TMEM200C: variants seen among roughly 807,000 people sequenced by gnomAD.
The protein encoded by TMEM200C is transmembrane protein TTMA.
For missense variants in TMEM200C, 966 were observed against 699.9 expected (o/e 1.38, Z -4.29); for synonymous variants, 462 against 324.7 (o/e 1.42, Z -4.55).
chr18:5,883,959 A>G (rs759618210), exon 3 of TMEM200C: 6 of 152,168 alleles, frequency 3.9e-5, no homozygotes, highest in Non-Finnish European at 5.9e-5. Context: ...TAGGTCCAAT[A>G]AGAATTTAGT....
exon 3 of TMEM200C, chr18:5,883,720 A>G (rs901940572): frequency 2.0e-5 from 3 of 152,008 alleles, no homozygotes; most frequent in African/African-American, 7.2e-5. Flanking sequence ...CTGTGGCTTG[A>G]TAGAACAACC....
In TMEM200C at chr18:5,885,219, G is replaced by T. The variant is rs376902905; in HGVS notation, c.*4979C>A. The T allele has an allele frequency of 9.9e-5, 15 of 151,506 alleles. No individual in the cohort carries two copies. In the East Asian group the frequency reaches 2.1e-3, roughly 22 times the overall value. 9.4% of individuals were successfully genotyped at this position (151,506 alleles called of 1,614,324 possible). A position where few individuals can be genotyped will look rare whatever the true frequency, so the allele number is the denominator to read the frequency against. On this transcript the variant is annotated 3_prime_UTR_variant, in exon 3 of 3. Coordinates refer to ENST00000581347, the Ensembl canonical transcript of TMEM200C. ...AGGATGCTCTTTTTCTTCCACCCCT[G>T]GGCCTGCCTATTTTCCTCCCTTGTT...
At chr18:5,895,506 G>T (rs1282679990) in intron 1 of TMEM200C, 1 of 149,168 alleles carries the variant, frequency 6.7e-6, no homozygotes, top group Non-Finnish European at 1.5e-5. Flanking sequence ...CATGACACAG[G>T]GAAATTGCGG....
intron 2 of TMEM200C, among the ~76,000 whole-genome samples, chr18:5,893,705 C>T (rs1195560721): frequency 4.6e-5 from 7 of 152,140 alleles, no homozygotes; most frequent in African/African-American, 1.7e-4. Flanking sequence ...CCTTGAGTTC[C>T]TCCATTATAT....
exon 3 of TMEM200C, chr18:5,890,874 G>C (rs992835370): frequency 1.6e-5 from 11 of 682,282 alleles, no homozygotes; most frequent in Non-Finnish European, 2.9e-5. Flanking sequence ...GCTGCAGCTC[G>C]CGCCCTCCGC....
At position 5,891,070 on chromosome 18, in the gene TMEM200C, C is replaced by T; in HGVS notation, c.994G>A (p.Val332Met). Residue 332 changes from valine (V) to methionine (M), a missense_variant, in exon 3 of 3, where the codon GTG becomes ATG. Coordinates refer to ENST00000581347, the Ensembl canonical transcript of TMEM200C. This position sits in a 1 kb window ranked among gnomAD's most constrained non-coding sequence, Gnocchi z 4.7. ...GCGGCGGCCCGGCGACTGCCTGCCA[C>T]GCCCGAGCGCTCGCGGTAGACGCTG... 1 of 534,744 alleles carries T rather than the reference C, an allele frequency of 1.9e-6. No homozygotes were observed. The highest frequency in any genetic ancestry group is 3.2e-6 in the Non-Finnish European group (1 of 310,706). The allele number at this position is 534,744 out of a possible 1,614,324, so 33.1% of individuals were successfully genotyped here.
intron 2 of TMEM200C, 123 bp from the exon 2 acceptor site, chr18:5,892,280 T>TAACTGA: frequency 1.7e-6 from 1 of 594,842 alleles, no homozygotes; most frequent in South Asian, 2.1e-5. Context: ...CTTTATCCAC[T>TAACTGA]AACTGAAACA....
chr18:5,892,340 T>C (rs529289572), intron 2 of TMEM200C, among the ~76,000 whole-genome samples, 183 bp from the exon 2 acceptor site: 5 of 152,280 alleles, frequency 3.3e-5, no homozygotes, highest in African/African-American at 1.2e-4. Flanking sequence ...AAGGGAAACG[T>C]TGTTGCAACA....
exon 3 of TMEM200C, chr18:5,890,013 A>C (rs1040541288): frequency 6.3e-6 from 3 of 474,762 alleles, no homozygotes; most frequent in Non-Finnish European, 1.0e-5. Context: ...CTTAAAAAAA[A>C]AAATCCTTGG....
exon 3 of TMEM200C, chr18:5,883,892 G>A (rs1037803036): frequency 1.3e-5 from 2 of 152,006 alleles, no homozygotes; most frequent in East Asian, 1.9e-4. Context: ...AAATTTAATG[G>A]TAATTTTAAA....
chr18:5,884,212 C>A (rs1211784626), exon 3 of TMEM200C: 1 of 151,982 alleles, frequency 6.6e-6, no homozygotes, highest in Non-Finnish European at 1.5e-5. Flanking sequence ...AAAATAAACA[C>A]CTCTATGCTA....
exon 3 of TMEM200C, chr18:5,890,435 G>A (rs762779193): frequency 2.5e-6 from 4 of 1,574,300 alleles, no homozygotes; most frequent in African/African-American, 1.3e-5. Flanking sequence ...TGGAGGTGCC[G>A]GCCTCCCGCA....
chr18:5,892,470 G>A (rs995992409), intron 2 of TMEM200C, among the ~76,000 whole-genome samples: 2 of 152,138 alleles, frequency 1.3e-5, no homozygotes, highest in African/African-American at 2.4e-5. Flanking sequence ...GGTAATATGA[G>A]GGTTTGAAAT....
exon 3 of TMEM200C, chr18:5,882,226 T>A (rs1226355352): frequency 6.6e-6 from 1 of 152,162 alleles, no homozygotes; most frequent in African/African-American, 2.4e-5. Context: ...AATTTTATTT[T>A]CCTTTTTATA....
rs1175016761 is a variant in TMEM200C, at chr18:5,891,493, G to A, written c.571C>T (p.Arg191Trp). The A allele has an allele frequency of 1.2e-6, 2 of 1,604,398 alleles. No individual in the cohort carries two copies. The highest frequency in any genetic ancestry group is 8.5e-7 in the Non-Finnish European group (1 of 1,175,762). Residue 191 changes from arginine (R) to tryptophan (W), a missense_variant, in exon 3 of 3, where the codon CGG becomes TGG. Physicochemically the swap from Arg to Trp is moderately radical, Grantham distance 101 (BLOSUM62 -3). Transcript: ENST00000581347. This position sits in a 1 kb window ranked among gnomAD's most constrained non-coding sequence, Gnocchi z 4.7. ...TTGATGATTTTGGTCTTCTTGTCCCGGTTCTCGTGGAGGACCGCGTTTGCG... is the reference window on the plus strand; with the variant it reads ...TTGATGATTTTGGTCTTCTTGTCCCAGTTCTCGTGGAGGACCGCGTTTGCG...
intron 2 of TMEM200C, among the ~76,000 whole-genome samples, chr18:5,892,838 T>C (rs544947409): frequency 6.6e-6 from 1 of 152,200 alleles, no homozygotes; most frequent in African/African-American, 2.4e-5. Flanking sequence ...AATAAATCCC[T>C]TCACAAAGTT....
intron 2 of TMEM200C, among the ~76,000 whole-genome samples, chr18:5,892,825 G>C (rs1159732903): frequency 1.3e-5 from 2 of 152,196 alleles, no homozygotes; most frequent in African/African-American, 4.8e-5. Flanking sequence ...GCAATACTCT[G>C]ACAATAAATC....
Position 5,891,620 on chromosome 18 carries a change from G to A in TMEM200C, c.444C>T (p.Ser148=), listed in dbSNP as rs1262343224. The A allele has an allele frequency of 4.3e-6, 7 of 1,613,860 alleles. No homozygotes were observed. The highest frequency in any genetic ancestry group is 1.3e-5 in the African/African-American group (1 of 75,020). Residue 148 remains serine (S), a synonymous_variant, in exon 3 of 3, where the codon TCC becomes TCT. Coordinates refer to ENST00000581347, the Ensembl canonical transcript of TMEM200C. This position sits in a 1 kb window ranked among gnomAD's most constrained non-coding sequence, Gnocchi z 4.7. Reference sequence around the variant, plus strand: ...AGAAGATGCGGAAGAAGAAGCCCACGGACGTGGAGGAGGAGGACGGGGAGG... The same window carrying A: ...AGAAGATGCGGAAGAAGAAGCCCACAGACGTGGAGGAGGAGGACGGGGAGG...
chr18:5,884,865 T>C (rs1466418581), exon 3 of TMEM200C: 2 of 152,174 alleles, frequency 1.3e-5, no homozygotes, highest in East Asian at 1.9e-4. Flanking sequence ...GATACTGGAG[T>C]TTCTCAACTT....
Sources: gnomAD v4.1 joint callset for allele counts (sites outside exome capture counted in the v4.1 genomes callset) on GRCh38, gnomAD v4.1.1 for gene constraint, Gnocchi (gnomAD v3.1) non-coding constraint, MANE v1.5 for transcripts, NCBI Gene and HGNC (gene_info 2026-07-23, HGNC 2026-07-21) for gene names.